The following NFATC2 variants were observed in gnomAD, a reference collection of about 807,000 sequenced individuals.
NFATC2 encodes the protein nuclear factor of activated T-cells, cytoplasmic 2.
Under a neutral mutation model 87.3 loss-of-function variants are expected in NFATC2, and 22 were observed. The ratio of observed to expected loss-of-function variants is 0.25; its 90% confidence interval spans 0.18 to 0.36. NFATC2 has a LOEUF of 0.36. NFATC2 is among the 10% of genes least tolerant of loss of function. The pLI is 1.00. For synonymous variants in NFATC2, 565 were observed against 542.2 expected (o/e 1.04, Z -0.58); for missense variants, 1,149 against 1,259.1 (o/e 0.91, Z 1.32).
chr20:51,467,346 C>G (rs1987789190), intron 5 of NFATC2, among the ~76,000 whole-genome samples: 1 of 152,042 alleles, frequency 6.6e-6, no homozygotes, highest in South Asian at 2.1e-4. Context: ...CACCTGAGGT[C>G]AGGAGTTCGA....
In NFATC2 at chr20:51,388,429, A is replaced by G. The variant is rs1395264419; in HGVS notation, c.*3067T>C. 1 of 152,008 alleles carries G rather than the reference A, an allele frequency of 6.6e-6. No individual in the cohort carries two copies. Among genetic ancestry groups the G allele is most frequent in the African/African-American group, 2.4e-5 (1 of 41,376 alleles). 9.4% of individuals were successfully genotyped at this position (152,008 alleles called of 1,614,324 possible). A position where few individuals can be genotyped will look rare whatever the true frequency, so the allele number is the denominator to read the frequency against. On this transcript the variant is annotated 3_prime_UTR_variant, in exon 11 of 11. Transcript: ENST00000371564. ...CTAGAGAGGTGACTAACAGGCTCTG[A>G]GTGGGGGTTTTATTATATGGGTTTT... is the stretch of plus-strand genomic sequence containing the variant.
chr20:51,551,426 C>A (rs1353476561), intron 1 of NFATC2, among the ~76,000 whole-genome samples: 1 of 151,950 alleles, frequency 6.6e-6, no homozygotes, highest in Non-Finnish European at 1.5e-5. Context: ...TTTTTTGAGA[C>A]AGGGTCCCAC....
intron 3 of NFATC2, among the ~76,000 whole-genome samples, chr20:51,479,294 G>T (rs898454102): frequency 3.3e-5 from 5 of 152,176 alleles, no homozygotes; most frequent in Non-Finnish European, 7.3e-5. Flanking sequence ...CATGGTCAAT[G>T]AACATTTGTT....
chr20:51,504,242 G>C (rs62229848), intron 3 of NFATC2, among the ~76,000 whole-genome samples: 12,532 of 152,124 alleles, frequency 0.082, 721 homozygotes, highest in African/African-American at 0.16. Flanking sequence ...GGCTGGTCTC[G>C]AACTCCTGAC....
intron 9 of NFATC2, among the ~76,000 whole-genome samples, chr20:51,402,542 CAG>C (rs1416609161): frequency 4.7e-5 from 7 of 149,078 alleles, no homozygotes; most frequent in Non-Finnish European, 1.0e-4. Context: ...AGGAAACAAA[CAG>C]TAATTCAAAC....
At chr20:51,435,372 A>G (rs1834826511) in intron 7 of NFATC2, 58 bp from the exon 8 acceptor site, 1 of 1,607,972 alleles carries the variant, frequency 6.2e-7, no homozygotes, top group African/African-American at 1.3e-5. Flanking sequence ...TCCTACCCAG[A>G]CCCTAAGCGC....
intron 9 of NFATC2, among the ~76,000 whole-genome samples, chr20:51,431,554 C>T (rs2426312): frequency 0.44 from 66,659 of 152,058 alleles, 16,095 homozygotes; most frequent in South Asian, 0.54. Flanking sequence ...GAGAAGTGCC[C>T]GCAGCCTGCC....
upstream of NFATC2, among the ~76,000 whole-genome samples, chr20:51,544,806 C>T (rs1268074791): frequency 1.3e-5 from 2 of 152,222 alleles, no homozygotes; most frequent in African/African-American, 2.4e-5. Flanking sequence ...TCACCAGATG[C>T]TTCCAATGTG....
intron 5 of NFATC2, among the ~76,000 whole-genome samples, chr20:51,459,835 C>T (rs572575898): frequency 1.3e-5 from 2 of 152,110 alleles, no homozygotes; most frequent in East Asian, 1.9e-4. Context: ...GCCGAGATCA[C>T]GCTACTACAC....
intron 6 of NFATC2, among the ~76,000 whole-genome samples, chr20:51,444,347 C>T (rs2146387258): frequency 6.6e-6 from 1 of 151,748 alleles, no homozygotes; most frequent in South Asian, 2.1e-4. Context: ...CTACTAGATG[C>T]AAGAAGAATG....
intron 1 of NFATC2, among the ~76,000 whole-genome samples, chr20:51,526,793 T>C (rs2076552543): frequency 6.6e-6 from 1 of 151,898 alleles, no homozygotes; most frequent in African/African-American, 2.4e-5. Flanking sequence ...TAGGTAAAAA[T>C]AAATGACCCC....
intron 6 of NFATC2, among the ~76,000 whole-genome samples, chr20:51,443,023 GAC>G (rs1984579491): frequency 6.6e-6 from 1 of 152,112 alleles, no homozygotes; most frequent in Admixed American, 6.5e-5. Context: ...GATTCCATTA[GAC>G]ACACTGGCCT....
chr20:51,506,695 A>G (rs1163933974), intron 3 of NFATC2, among the ~76,000 whole-genome samples: 2 of 152,152 alleles, frequency 1.3e-5, no homozygotes, highest in African/African-American at 4.8e-5. Flanking sequence ...GGTGACACGG[A>G]CACTCCTATG....
intron 5 of NFATC2, among the ~76,000 whole-genome samples, chr20:51,461,360 C>G (rs2146459455): frequency 6.6e-6 from 1 of 152,320 alleles, no homozygotes; most frequent in South Asian, 2.1e-4. Flanking sequence ...AGGCACCTTG[C>G]TTTTAAAGTC....
intron 10 of NFATC2, among the ~76,000 whole-genome samples, chr20:51,397,293 C>A (rs6021177): frequency 0.15 from 23,539 of 152,196 alleles, 1,961 homozygotes; most frequent in East Asian, 0.24. Context: ...TCATCTTCTC[C>A]AGGGAAACCT....
chr20:51,527,981 G>A lies in NFATC2; in HGVS notation c.131-3871C>T, dbSNP rs911745319. On this transcript the variant is annotated intron_variant, in intron 1 of 10. Coordinates refer to ENST00000371564, the MANE Select transcript of NFATC2 (RefSeq NM_012340.5). ...TAGCTGGGCATGGTGGCACCTACCT[G>A]TAGTCCCAGCCACTGGAGAAGCTGA... Among the ~76,000 whole-genome samples the A allele has an allele frequency of 6.0e-5, 9 of 150,976 alleles. No homozygotes were observed. The South Asian group carries it at 1.5e-3, about 25-fold the overall frequency.
upstream of NFATC2, chr20:51,562,712 C>G (rs2077043249): frequency 7.3e-7 from 1 of 1,368,228 alleles, no homozygotes; most frequent in African/African-American, 1.4e-5. The surrounding 1 kb of genome is among the most constrained non-coding windows in gnomAD (Gnocchi z 5.8). Flanking sequence ...GCCGTCTTCT[C>G]TACCGCGTGC....
chr20:51,394,495 G>T (rs978454264), intron 10 of NFATC2, among the ~76,000 whole-genome samples: 8 of 152,022 alleles, frequency 5.3e-5, no homozygotes, highest in Non-Finnish European at 5.9e-5. Flanking sequence ...GTTACCCAAG[G>T]CTCAAACAGC....
chr20:51,519,265 G>A (rs577077627), intron 2 of NFATC2, among the ~76,000 whole-genome samples: 4 of 152,120 alleles, frequency 2.6e-5, no homozygotes, highest in Admixed American at 6.5e-5. Context: ...AAAATTCAGC[G>A]GCATATCCCC....
Sources: allele counts gnomAD v4.1 joint callset (sites outside exome capture counted in the v4.1 genomes callset), GRCh38; gene constraint gnomAD v4.1.1; non-coding constraint Gnocchi (gnomAD v3.1); transcripts MANE v1.5; gene names NCBI Gene and HGNC (gene_info 2026-07-23, HGNC 2026-07-21).